The following NTRK3 variants were observed in gnomAD, a reference collection of about 807,000 sequenced individuals.
The protein encoded by NTRK3 is neurotrophic receptor tyrosine kinase 3.
A neutral mutation model predicts 91.7 loss-of-function variants in NTRK3; 24 were observed. That is an observed-to-expected ratio of 0.26 (90% confidence interval 0.19 to 0.37). The LOEUF is 0.37. NTRK3 is among the 10% of genes least tolerant of loss of function. The probability of loss-of-function intolerance (pLI) is 1.00; values close to 1 mark genes in which losing one functional copy is unlikely to be tolerated. For synonymous variants in NTRK3, 483 were observed against 404.0 expected, an observed-to-expected ratio of 1.20 and a Z score of -2.34; for missense variants, 880 against 1,068.9, an observed-to-expected ratio of 0.82 and a Z score of 2.46.
exon 19 of NTRK3, chr15:87,869,931 GA>G: frequency 5.2e-6 from 1 of 191,708 alleles, no homozygotes; most frequent in African/African-American, 2.3e-5. Context: ...CTTCTTAAAT[GA>G]AAGAATAATT....
intron 14 of NTRK3, among the ~76,000 whole-genome samples, chr15:87,993,421 A>G (rs894526844): frequency 6.6e-6 from 1 of 152,172 alleles, no homozygotes; most frequent in African/African-American, 2.4e-5. Context: ...GAATTCCAAG[A>G]TTTGTGATGA....
intron 3 of NTRK3, among the ~76,000 whole-genome samples, chr15:88,216,447 A>G (rs1344347450): frequency 1.3e-5 from 2 of 152,166 alleles, no homozygotes; most frequent in Non-Finnish European, 2.9e-5. Flanking sequence ...ACAGAATAAA[A>G]TGTACTCAAA....
chr15:87,878,866 G>T (rs2065078817), intron 18 of NTRK3, among the ~76,000 whole-genome samples: 1 of 151,658 alleles, frequency 6.6e-6, no homozygotes, highest in Admixed American at 6.6e-5. Context: ...GTTTACTGGG[G>T]CCACCAAACT....
chr15:88,179,443 C>T (rs1161858731), intron 5 of NTRK3, among the ~76,000 whole-genome samples: 1 of 152,300 alleles, frequency 6.6e-6, no homozygotes. Flanking sequence ...TACCATACCC[C>T]TGCCCCAAGG....
rs145251728 is a variant in NTRK3, at chr15:87,942,771, G to A, written c.1586-2018C>T. Among the ~76,000 whole-genome samples the A allele has an allele frequency of 6.6e-4, 100 of 152,292 alleles. 1 individual carries two copies. The East Asian group carries it at 0.019, about 29-fold the overall frequency. On this transcript the variant is annotated intron_variant, in intron 14 of 18. Coordinates refer to ENST00000394480, the Ensembl canonical transcript of NTRK3. ...AAAATGGGTATGGGGAGAATAGTAC[G>A]AGTTTAACTTACCTATTACCTGAGC... is the stretch of plus-strand genomic sequence containing the variant.
intron 13 of NTRK3, among the ~76,000 whole-genome samples, chr15:88,056,466 T>C (rs1394493749): frequency 6.6e-6 from 1 of 152,176 alleles, no homozygotes; most frequent in Non-Finnish European, 1.5e-5. Context: ...AGTACTTATG[T>C]AGTTTATTAT....
exon 19 of NTRK3, chr15:87,870,019 C>T (rs368663524): frequency 5.9e-4 from 113 of 192,212 alleles, no homozygotes; most frequent in African/African-American, 8.8e-4. Context: ...TCAGTAATCC[C>T]GCAGCCCTAT....
At chr15:88,116,903 G>A (rs991604033) in intron 13 of NTRK3, among the ~76,000 whole-genome samples, 28 of 152,212 alleles carry the variant, frequency 1.8e-4, no homozygotes, top group Admixed American at 4.6e-4. Flanking sequence ...TGGGTATGGG[G>A]TAAACCCTAG....
chr15:88,196,940 C>T (rs1353899050), intron 3 of NTRK3, among the ~76,000 whole-genome samples: 2 of 152,078 alleles, frequency 1.3e-5, no homozygotes, highest in Non-Finnish European at 2.9e-5. Flanking sequence ...ACTCTTCCCA[C>T]CTGAACTTTC....
chr15:88,163,931 A>G (rs1395369901), intron 5 of NTRK3, among the ~76,000 whole-genome samples: 1 of 152,210 alleles, frequency 6.6e-6, no homozygotes, highest in African/African-American at 2.4e-5. Flanking sequence ...GCAGTGAACA[A>G]AAGAGAGGAG....
At chr15:87,964,929 T>C (rs935864312) in intron 14 of NTRK3, among the ~76,000 whole-genome samples, 1 of 152,234 alleles carries the variant, frequency 6.6e-6, no homozygotes. Context: ...TTATGAAAAA[T>C]GCTGCTATGA....
intron 13 of NTRK3, among the ~76,000 whole-genome samples, chr15:88,066,615 G>A (rs111666231): frequency 6.6e-6 from 1 of 152,166 alleles, no homozygotes; most frequent in Non-Finnish European, 1.5e-5. Context: ...GACAAGGGAG[G>A]GGAGAAGCAC....
rs115399325 is a variant in NTRK3, at chr15:87,938,028, G to T, written c.1716+2595C>A. ...ATTCCCTCCTCTGCAAAGGAAGGGGGTTGACTGGGTTTGAATGCTGTGTAA... is the reference window on the plus strand; with the variant it reads ...ATTCCCTCCTCTGCAAAGGAAGGGGTTTGACTGGGTTTGAATGCTGTGTAA... On this transcript the variant is annotated intron_variant, in intron 15 of 18. Coordinates refer to ENST00000394480, the Ensembl canonical transcript of NTRK3. Among the ~76,000 whole-genome samples the T allele has an allele frequency of 3.9e-3, 596 of 152,170 alleles. 8 individuals are homozygous for T. Among genetic ancestry groups the T allele is most frequent in the African/African-American group, 0.014 (561 of 41,548 alleles).
At chr15:88,032,308 T>C (rs1309980771) in intron 14 of NTRK3, among the ~76,000 whole-genome samples, 1 of 152,098 alleles carries the variant, frequency 6.6e-6, no homozygotes, top group East Asian at 1.9e-4. Context: ...CCCTCTGGTC[T>C]GAGTGAGACA....
chr15:88,025,060 C>T (rs1341127717), intron 14 of NTRK3, among the ~76,000 whole-genome samples: 1 of 152,224 alleles, frequency 6.6e-6, no homozygotes, highest in East Asian at 1.9e-4. Flanking sequence ...CACACACACA[C>T]ACACAACACA....
At chr15:88,071,206 C>T (rs1406012619) in intron 13 of NTRK3, among the ~76,000 whole-genome samples, 2 of 152,204 alleles carry the variant, frequency 1.3e-5, no homozygotes, top group Non-Finnish European at 2.9e-5. Flanking sequence ...ACCTGAGGCC[C>T]GAGGACTCAC....
chr15:87,905,733 A>G (rs1241185873), intron 17 of NTRK3, among the ~76,000 whole-genome samples: 1 of 152,146 alleles, frequency 6.6e-6, no homozygotes, highest in African/African-American at 2.4e-5. Context: ...CCCCACCTCT[A>G]TTATCTATAC....
intron 13 of NTRK3, among the ~76,000 whole-genome samples, chr15:88,043,446 A>T (rs1357766715): frequency 6.6e-6 from 1 of 152,208 alleles, no homozygotes; most frequent in Non-Finnish European, 1.5e-5. Flanking sequence ...TTTATCTGTA[A>T]CTTTCCCCCA....
intron 17 of NTRK3, among the ~76,000 whole-genome samples, chr15:87,906,366 AG>A (rs919930420): frequency 2.6e-5 from 4 of 152,230 alleles, no homozygotes; most frequent in African/African-American, 9.6e-5. Context: ...AAGGGCCTTA[AG>A]ATGCTCTGAA....
Sources: gnomAD v4.1 joint callset for allele counts (sites outside exome capture counted in the v4.1 genomes callset) on GRCh38, gnomAD v4.1.1 for gene constraint, MANE v1.5 for transcripts, NCBI Gene and HGNC (gene_info 2026-07-23, HGNC 2026-07-21) for gene names.